P2RY6: variants seen among roughly 807,000 people sequenced by gnomAD.
P2RY6 encodes the protein P2Y purinoceptor 6.
P2RY6 carries 19 observed loss-of-function variants against 16.3 expected under a neutral mutation model. The ratio of observed to expected loss-of-function variants is 1.16; its 90% CI spans 0.81 to 1.71. The LOEUF is 1.71. P2RY6 is among the 40% of genes most tolerant of loss of function. The pLI is 0.00. For missense variants in P2RY6, 389 were observed against 455.5 expected, an observed-to-expected ratio of 0.85 and a Z score of 1.33; for synonymous variants, 184 against 201.5, an observed-to-expected ratio of 0.91 and a Z score of 0.74.
rs573287564 is a variant in P2RY6, at chr11:73,275,010, C to T, written c.-121+2544C>T. 3.9e-5 allele frequency among the ~76,000 whole-genome samples: 6 copies of T among 152,368 alleles called. No homozygotes were observed. In the East Asian group the frequency reaches 5.8e-4, roughly 15 times the overall value. On this transcript the variant is annotated intron_variant, in intron 1 of 2. Transcript: ENST00000540124. Reference sequence around the variant, plus strand: ...GTGATATATTGCTGCTTCCCCTGTCCCAGGGCTGGCCCTGTCATTAATAGC... The same window carrying T: ...GTGATATATTGCTGCTTCCCCTGTCTCAGGGCTGGCCCTGTCATTAATAGC...
At chr11:73,271,259 G>C (rs1863294022), upstream of P2RY6, among the ~76,000 whole-genome samples, 1 of 152,142 alleles carries the variant, frequency 6.6e-6, no homozygotes, top group South Asian at 2.1e-4. Context: ...GGATTGCCTG[G>C]GGTCAGCCTT....
At chr11:73,277,545 G>C (rs1453490865) in intron 1 of P2RY6, among the ~76,000 whole-genome samples, 2 of 152,242 alleles carry the variant, frequency 1.3e-5, no homozygotes, top group Non-Finnish European at 2.9e-5. Context: ...TCTGGTTAAA[G>C]ATAAAGAACT....
intron 1 of P2RY6, among the ~76,000 whole-genome samples, chr11:73,294,480 C>A (rs1198190792): frequency 6.6e-6 from 1 of 152,236 alleles, no homozygotes; most frequent in African/African-American, 2.4e-5. Context: ...CTAATCCTGG[C>A]TTCCTGGCTA....
intron 1 of P2RY6, among the ~76,000 whole-genome samples, chr11:73,275,686 T>C (rs1369431960): frequency 1.3e-5 from 2 of 152,130 alleles, no homozygotes; most frequent in African/African-American, 4.8e-5. Flanking sequence ...ACAGAGAGGC[T>C]AATGTTTGGC....
At chr11:73,276,514 A>G (rs975865561) in intron 1 of P2RY6, among the ~76,000 whole-genome samples, 2 of 152,260 alleles carry the variant, frequency 1.3e-5, no homozygotes, top group Non-Finnish European at 2.9e-5. Flanking sequence ...TTATCCATAT[A>G]ATGGAATATT....
chr11:73,289,756 C>T (rs1432137286), intron 1 of P2RY6, among the ~76,000 whole-genome samples: 1 of 152,172 alleles, frequency 6.6e-6, no homozygotes, highest in East Asian at 1.9e-4. Context: ...GAGAAGGGGG[C>T]CTTAGGGTCA....
chr11:73,279,032 C>G (rs969787673), intron 1 of P2RY6, among the ~76,000 whole-genome samples: 2 of 149,624 alleles, frequency 1.3e-5, no homozygotes, highest in African/African-American at 2.4e-5. Flanking sequence ...CAACTTATTT[C>G]CTAGGTTGGC....
intron 1 of P2RY6, among the ~76,000 whole-genome samples, chr11:73,283,189 C>T (rs929217929): frequency 2.0e-5 from 3 of 152,082 alleles, no homozygotes; most frequent in Non-Finnish European, 4.4e-5. Flanking sequence ...GAGACCTGTT[C>T]CAGGAGTGAA....
intron 1 of P2RY6, among the ~76,000 whole-genome samples, chr11:73,275,491 T>C (rs1444940567): frequency 6.6e-6 from 1 of 152,066 alleles, no homozygotes; most frequent in Non-Finnish European, 1.5e-5. Context: ...GGAGGAGAAA[T>C]TCCCTCAGGC....
At chr11:73,294,843 T>C (rs1165982920) in intron 1 of P2RY6, among the ~76,000 whole-genome samples, 1 of 152,190 alleles carries the variant, frequency 6.6e-6, no homozygotes, top group Non-Finnish European at 1.5e-5. Flanking sequence ...AGGCAGGTAC[T>C]ATCTCATCTC....
chr11:73,272,766 C>G (rs957544578), intron 1 of P2RY6, among the ~76,000 whole-genome samples: 1 of 152,174 alleles, frequency 6.6e-6, no homozygotes, highest in Non-Finnish European at 1.5e-5. Context: ...GGATTCGGAG[C>G]CACAAAGGTC....
intron 1 of P2RY6, among the ~76,000 whole-genome samples, chr11:73,294,811 T>C (rs1337762286): frequency 1.3e-5 from 2 of 152,206 alleles, no homozygotes; most frequent in Non-Finnish European, 2.9e-5. Flanking sequence ...TGCCAGGCAC[T>C]GATCTTCACA....
intron 1 of P2RY6, among the ~76,000 whole-genome samples, chr11:73,275,841 T>C (rs1431173264): frequency 3.3e-5 from 5 of 152,242 alleles, no homozygotes; most frequent in African/African-American, 1.2e-4. Flanking sequence ...ATGGAGGACT[T>C]GCTTTGTGCC....
At chr11:73,273,590 T>C (rs142524782) in intron 1 of P2RY6, among the ~76,000 whole-genome samples, 1 of 152,262 alleles carries the variant, frequency 6.6e-6, no homozygotes, top group East Asian at 1.9e-4. Flanking sequence ...TGTCAGTTTA[T>C]CAGAAAGGGA....
At chr11:73,293,047 G>A (rs140321984) in intron 1 of P2RY6, 182 of 406,124 alleles carry the variant, frequency 4.5e-4, no homozygotes, top group African/African-American at 3.1e-3. Flanking sequence ...TTAAAGGAGG[G>A]CCACAGAGTT....
intron 1 of P2RY6, among the ~76,000 whole-genome samples, chr11:73,288,917 G>T (rs935947654): frequency 2.6e-5 from 4 of 152,220 alleles, no homozygotes; most frequent in East Asian, 1.9e-4. Flanking sequence ...AAGCAAGGGG[G>T]TTTCCAGGCC....
intron 1 of P2RY6, among the ~76,000 whole-genome samples, chr11:73,274,138 C>T (rs1362102355): frequency 1.3e-5 from 2 of 152,158 alleles, no homozygotes; most frequent in African/African-American, 4.8e-5. Flanking sequence ...TCCCATTTTA[C>T]AGGAGAAGAA....
At chr11:73,275,589 G>A (rs1425192468) in intron 1 of P2RY6, among the ~76,000 whole-genome samples, 21 of 152,222 alleles carry the variant, frequency 1.4e-4, no homozygotes, top group Admixed American at 1.4e-3. Context: ...ACAGCATGGT[G>A]CAGTCTCATT....
intron 1 of P2RY6, among the ~76,000 whole-genome samples, chr11:73,294,659 ATTT>A (rs1864402803): frequency 6.6e-6 from 1 of 152,244 alleles, no homozygotes; most frequent in Non-Finnish European, 1.5e-5. Flanking sequence ...CAACATTATC[ATTT>A]TGCCCAAAAA....
Sources: allele counts gnomAD v4.1 joint callset (sites outside exome capture counted in the v4.1 genomes callset), GRCh38; gene constraint gnomAD v4.1.1; transcripts MANE v1.5; gene names NCBI Gene and HGNC (gene_info 2026-07-23, HGNC 2026-07-21).